Variants in VAPB observed in about 807,000 individuals in gnomAD.
VAPB encodes VAMP associated protein B and C.
In VAPB, 7 loss-of-function variants were observed where a neutral mutation model predicts 25.6. That is an observed-to-expected ratio of 0.27 (90% CI 0.16 to 0.51). The LOEUF (loss-of-function observed/expected upper bound fraction) is 0.51. Ranked by LOEUF, VAPB falls within the 20% of genes least tolerant of loss-of-function variation. The probability of loss-of-function intolerance (pLI) is 0.97; values close to 1 mark genes in which losing one functional copy is unlikely to be tolerated. For missense variants in VAPB, 266 were observed against 301.3 expected, an observed-to-expected ratio of 0.88 and a Z score of 0.87; for synonymous variants, 112 against 109.2, an observed-to-expected ratio of 1.03 and a Z score of -0.16.
At chr20:58,429,074 G>A (rs192978184) in intron 2 of VAPB, among the ~76,000 whole-genome samples, 9 of 152,102 alleles carry the variant, frequency 5.9e-5, no homozygotes, top group Admixed American at 1.3e-4. Flanking sequence ...GTGTAAATGC[G>A]AAGAGATTTC....
At chr20:58,404,313 A>C (rs574491428) in intron 1 of VAPB, among the ~76,000 whole-genome samples, 4 of 152,020 alleles carry the variant, frequency 2.6e-5, no homozygotes, top group African/African-American at 9.6e-5. Context: ...CCCCTCTCGT[A>C]CCCCTTCCTC....
intron 1 of VAPB, among the ~76,000 whole-genome samples, chr20:58,417,981 A>G (rs1025737689): frequency 1.3e-5 from 2 of 152,212 alleles, no homozygotes; most frequent in Non-Finnish European, 2.9e-5. Flanking sequence ...ATGAGATGCC[A>G]TATGTTAGAA....
Position 58,428,915 on chromosome 20 carries a change from A to G in VAPB, c.212-5687A>G, listed in dbSNP as rs73915878. On this transcript the variant is annotated intron_variant, in intron 2 of 5. Transcript: ENST00000475243. ...CCAGAAGTTTATGAAGTTTCACAGAATCTGGGTGTCCCAAGTCCTCACTGT... is the reference window on the plus strand; with the variant it reads ...CCAGAAGTTTATGAAGTTTCACAGAGTCTGGGTGTCCCAAGTCCTCACTGT... Among the ~76,000 whole-genome samples the G allele has an allele frequency of 2.0e-3, 303 of 152,264 alleles. 2 individuals are homozygous for G. The highest frequency in any genetic ancestry group is 6.5e-3 in the African/African-American group (272 of 41,554).
intron 1 of VAPB, among the ~76,000 whole-genome samples, chr20:58,405,742 CT>C (rs71181964): frequency 7.6e-4 from 33 of 43,460 alleles, no homozygotes; most frequent in East Asian, 9.4e-4. Flanking sequence ...GGCCAGGAGC[CT>C]TTTTTTTTTT....
At chr20:58,399,311 AAGAG>A (rs1365026970) in intron 1 of VAPB, among the ~76,000 whole-genome samples, 2 of 151,784 alleles carry the variant, frequency 1.3e-5, no homozygotes, top group African/African-American at 2.4e-5. Flanking sequence ...AAAAAAAAAA[AAGAG>A]AGAAAAAGAA....
intron 1 of VAPB, among the ~76,000 whole-genome samples, chr20:58,411,829 C>A (rs1027309936): frequency 1.3e-5 from 2 of 152,130 alleles, no homozygotes; most frequent in African/African-American, 2.4e-5. Flanking sequence ...CAGGTGCCCA[C>A]CACCACGCCC....
In VAPB at chr20:58,412,866, T is replaced by A. The variant is rs1300918916; in HGVS notation, c.59-5345T>A. On this transcript the variant is annotated intron_variant, in intron 1 of 5. Transcript: ENST00000475243. The stretch of plus-strand genomic sequence containing the variant: ...TACAGAAAAGCATTTAAATCATATG[T>A]AGATCAGGAGACTGTTTAAAGATTT... 2.0e-5 allele frequency among the ~76,000 whole-genome samples: 3 copies of A among 152,210 alleles called. No individual in the cohort carries two copies. In the East Asian group the frequency reaches 5.8e-4, roughly 29 times the overall value.
chr20:58,389,786 T>C (rs1270312064), intron 1 of VAPB, among the ~76,000 whole-genome samples: 1 of 152,202 alleles, frequency 6.6e-6, no homozygotes, highest in Non-Finnish European at 1.5e-5. Flanking sequence ...GAGGCACTTG[T>C]CACTTTGTAA....
At chr20:58,425,547 T>A (rs1988766247) in intron 2 of VAPB, among the ~76,000 whole-genome samples, 1 of 152,220 alleles carries the variant, frequency 6.6e-6, no homozygotes, top group South Asian at 2.1e-4. Context: ...AAAGCAAACA[T>A]GTCAGAAGGA....
intron 2 of VAPB, among the ~76,000 whole-genome samples, chr20:58,430,225 A>G (rs1304405847): frequency 6.7e-6 from 1 of 148,888 alleles, no homozygotes. Flanking sequence ...GATACTTGAC[A>G]TTTTTTCATT....
At chr20:58,391,813 G>A (rs1600765838) in intron 1 of VAPB, among the ~76,000 whole-genome samples, 2 of 152,154 alleles carry the variant, frequency 1.3e-5, no homozygotes, top group Admixed American at 6.5e-5. Flanking sequence ...GATTACAGGC[G>A]TGAGCCCGGC....
intron 2 of VAPB, among the ~76,000 whole-genome samples, chr20:58,428,421 CTGGTGAATACCATTTGGTGTAGCGT>C (rs1988855194): frequency 6.6e-6 from 1 of 152,182 alleles, no homozygotes; most frequent in Admixed American, 6.5e-5. Context: ...ACCAGAGATA[CTGGTGAATACCATTTGGTGTAGCGT>C]AACAGTGCTT....
intron 2 of VAPB, among the ~76,000 whole-genome samples, chr20:58,424,527 G>T (rs1364067152): frequency 6.6e-6 from 1 of 152,172 alleles, no homozygotes; most frequent in Non-Finnish European, 1.5e-5. Context: ...CATTAAGATG[G>T]TATATAATGG....
chr20:58,414,257 C>T (rs1379329661), intron 1 of VAPB, among the ~76,000 whole-genome samples: 7 of 144,532 alleles, frequency 4.8e-5, no homozygotes, highest in Admixed American at 1.3e-4. Flanking sequence ...GACGGGGCGG[C>T]TGGCGGGGCG....
In VAPB at chr20:58,420,977, CAGG is replaced by C. The variant is rs916627225; in HGVS notation, c.211+2625_211+2627del. On this transcript the variant is annotated intron_variant, in intron 2 of 5. Transcript: ENST00000475243. ...CATCTTGGTGAGTCACTAGAGTCCT[CAGG>C]AGGAGGAGGATACCAGTCGACAGGC... is the stretch of plus-strand genomic sequence containing the variant. Among the ~76,000 whole-genome samples the C allele has an allele frequency of 7.6e-4, 116 of 152,282 alleles. 2 individuals are homozygous for C. Among genetic ancestry groups the C allele is most frequent in the African/African-American group, 2.7e-3 (114 of 41,558 alleles).
At chr20:58,397,555 G>A (rs1987993911) in intron 1 of VAPB, among the ~76,000 whole-genome samples, 1 of 152,024 alleles carries the variant, frequency 6.6e-6, no homozygotes, top group Admixed American at 6.6e-5. Flanking sequence ...TAACTTGTGG[G>A]TAATTTGTCC....
Position 58,440,914 on chromosome 20 carries a change from T to C in VAPB, c.404T>C (p.Val135Ala). ...LPAENDKPHD[V>A]EINKIISTTA... The stretch of plus-strand genomic sequence containing the variant: ...TCATTTGTTTTTGAACAGCATGATG[T>C]AGAAATAAATAAAATTATATCCACA... Residue 135 changes from valine (V) to alanine (A), a missense_variant, in exon 5 of 6, where the codon GTA becomes GCA. Val to Ala is a moderately conservative substitution (Grantham distance 64). Transcript: ENST00000475243. The C allele has an allele frequency of 1.2e-6, 2 of 1,613,422 alleles. No individual in the cohort carries two copies. Among genetic ancestry groups the C allele is most frequent in the Non-Finnish European group, 1.7e-6 (2 of 1,179,652 alleles).
intron 2 of VAPB, among the ~76,000 whole-genome samples, chr20:58,429,166 A>G (rs1183025034): frequency 6.6e-6 from 1 of 151,992 alleles, no homozygotes; most frequent in Non-Finnish European, 1.5e-5. Flanking sequence ...CAAAGCAGAA[A>G]ACTTTTCTCA....
In VAPB at chr20:58,389,429, C is replaced by G; in HGVS notation, c.-31C>G. 1 of 1,578,534 alleles carries G rather than the reference C, an allele frequency of 6.3e-7. No individual in the cohort carries two copies. ...CGCCCCGGTGACCTCTCAGGGGTCTCCCCGCCAAAGGTGCTCCGCCGCTAA... is the reference window on the plus strand; with the variant it reads ...CGCCCCGGTGACCTCTCAGGGGTCTGCCCGCCAAAGGTGCTCCGCCGCTAA... On this transcript the variant is annotated 5_prime_UTR_variant, in exon 1 of 6. Coordinates refer to ENST00000475243, the MANE Select transcript of VAPB (RefSeq NM_004738.5).
Sources: gnomAD v4.1 joint callset for allele counts (sites outside exome capture counted in the v4.1 genomes callset) on GRCh38, gnomAD v4.1.1 for gene constraint, MANE v1.5 for transcripts, NCBI Gene and HGNC (gene_info 2026-07-23, HGNC 2026-07-21) for gene names.